CTNNA3: variants seen among roughly 807,000 people sequenced by gnomAD.
The protein encoded by CTNNA3 is catenin alpha-3.
Under a neutral mutation model 95.7 loss-of-function variants are expected in CTNNA3, and 76 were observed. The observed-to-expected ratio is 0.79, with a 90% CI of 0.66 to 0.96. CTNNA3 has a LOEUF of 0.96. Among genes scored for constraint, CTNNA3 ranks in the 40% least tolerant of loss-of-function variants. The pLI is 0.00. For synonymous variants in CTNNA3, 431 were observed against 374.4 expected, an observed-to-expected ratio of 1.15 and a Z score of -1.74; for missense variants, 1,191 against 1,089.8, an observed-to-expected ratio of 1.09 and a Z score of -1.31.
intron 5 of CTNNA3, among the ~76,000 whole-genome samples, chr10:67,234,769 G>T (rs1028097716): frequency 2.0e-5 from 3 of 152,048 alleles, no homozygotes; most frequent in African/African-American, 7.3e-5. Context: ...AAACCCCATT[G>T]TCTCAGCCCA....
intron 9 of CTNNA3, among the ~76,000 whole-genome samples, chr10:66,715,078 G>C (rs1487607099): frequency 6.6e-6 from 1 of 152,012 alleles, no homozygotes; most frequent in Non-Finnish European, 1.5e-5. Flanking sequence ...ACCTGGAGGG[G>C]TTCCATTCAT....
intron 1 of CTNNA3, among the ~76,000 whole-genome samples, chr10:67,751,557 ATAGACCGCTAAC>A: frequency 6.6e-6 from 1 of 152,136 alleles, no homozygotes; most frequent in Admixed American, 6.5e-5. Context: ...TAAAAAAAAA[ATAGACCGCTAAC>A]TAGACTAATG....
chr10:66,167,715 G>T lies in CTNNA3; in HGVS notation c.1885-64466C>A, dbSNP rs149820044. Among the ~76,000 whole-genome samples, 34 of 152,246 alleles carry T rather than the reference G, an allele frequency of 2.2e-4. No homozygotes were observed. In the East Asian group the frequency reaches 6.6e-3, roughly 29 times the overall value. ...TAAAATCAGGAGGAAGCTGGAAAAG[G>T]CTAAGAGAACAGTCAGATCATGATG... is the stretch of plus-strand genomic sequence containing the variant. On this transcript the variant is annotated intron_variant, in intron 13 of 17. Transcript: ENST00000433211.
At chr10:67,431,465 C>T (rs4323777) in intron 5 of CTNNA3, among the ~76,000 whole-genome samples, 1 of 151,754 alleles carries the variant, frequency 6.6e-6, no homozygotes, top group Non-Finnish European at 1.5e-5. Context: ...CCTATGTTAT[C>T]CTAATTTTAC....
chr10:67,348,521 C>T (rs911063256), intron 5 of CTNNA3, among the ~76,000 whole-genome samples: 6 of 152,064 alleles, frequency 3.9e-5, no homozygotes, highest in Non-Finnish European at 7.4e-5. Context: ...GCATCTGCTC[C>T]CAGTGAGGGC....
rs560347732 is a variant in CTNNA3, at chr10:65,916,721, G to A, written c.*3609C>T. On this transcript the variant is annotated 3_prime_UTR_variant, in exon 18 of 18. Transcript: ENST00000433211. ...AGAGAGATATTTTTGGTTCACAGAAGAGGAAAGGGCATTAATTGGAGTAAT... is the reference window on the plus strand; with the variant it reads ...AGAGAGATATTTTTGGTTCACAGAAAAGGAAAGGGCATTAATTGGAGTAAT... 1 of 152,282 alleles carries A rather than the reference G, an allele frequency of 6.6e-6. No individual in the cohort carries two copies. Among genetic ancestry groups the A allele is most frequent in the South Asian group, 2.1e-4 (1 of 4,834 alleles). 9.4% of individuals were successfully genotyped at this position (152,282 alleles called of 1,614,324 possible).
intron 5 of CTNNA3, among the ~76,000 whole-genome samples, chr10:67,401,587 G>C (rs1844924800): frequency 6.6e-6 from 1 of 152,108 alleles, no homozygotes; most frequent in Non-Finnish European, 1.5e-5. Context: ...CTCTCCCTAA[G>C]GGAGCCCCGT....
intron 10 of CTNNA3, among the ~76,000 whole-genome samples, chr10:66,524,286 G>T (rs897427623): frequency 1.1e-5 from 1 of 87,678 alleles, no homozygotes; most frequent in Admixed American, 1.3e-4. Flanking sequence ...TCCATTATAG[G>T]AGGGACTATG....
chr10:66,388,869 G>T (rs1262183006), intron 11 of CTNNA3, among the ~76,000 whole-genome samples: 1 of 151,996 alleles, frequency 6.6e-6, no homozygotes, highest in Non-Finnish European at 1.5e-5. Context: ...AGAATGCTAG[G>T]AACAACTATT....
chr10:67,411,192 G>T (rs1399131104), intron 5 of CTNNA3, among the ~76,000 whole-genome samples: 1 of 152,248 alleles, frequency 6.6e-6, no homozygotes, highest in Admixed American at 6.5e-5. Context: ...AAAGACAGCA[G>T]ATTTTAAGTG....
At chr10:67,180,584 TG>T in intron 6 of CTNNA3, 64 bp from the exon 7 acceptor site, 1 of 1,351,804 alleles carries the variant, frequency 7.4e-7, no homozygotes, top group Non-Finnish European at 1.1e-6. Context: ...GAAAAACAAA[TG>T]TTATTTTGTT....
chr10:66,085,066 T>G (rs1041328988), intron 14 of CTNNA3: 49 of 152,246 alleles, frequency 3.2e-4, no homozygotes, highest in African/African-American at 1.1e-3. Flanking sequence ...ATGTGAAGAA[T>G]TAAGATAGAA....
intron 15 of CTNNA3, among the ~76,000 whole-genome samples, chr10:66,050,592 C>T (rs1018515461): frequency 4.6e-5 from 7 of 152,060 alleles, no homozygotes; most frequent in African/African-American, 1.2e-4. Context: ...CCACTATGTC[C>T]GGCTCCTTAG....
chr10:67,469,828 G>A (rs930412769), intron 5 of CTNNA3, among the ~76,000 whole-genome samples: 7 of 152,088 alleles, frequency 4.6e-5, no homozygotes, highest in African/African-American at 1.7e-4. Flanking sequence ...CATAGTAGGT[G>A]TATATATTTA....
At chr10:66,409,516 T>C (rs954677506) in intron 11 of CTNNA3, among the ~76,000 whole-genome samples, 2 of 152,050 alleles carry the variant, frequency 1.3e-5, no homozygotes, top group African/African-American at 4.8e-5. Flanking sequence ...AAAATAAATA[T>C]AGCCAAACAT....
chr10:66,331,895 C>T (rs1445909660), intron 12 of CTNNA3, among the ~76,000 whole-genome samples: 3 of 151,776 alleles, frequency 2.0e-5, no homozygotes, highest in Admixed American at 6.6e-5. Flanking sequence ...CCTTGGGCAG[C>T]ATGGCCATTT....
chr10:67,214,456 ACAAT>A (rs1388488210), intron 6 of CTNNA3, among the ~76,000 whole-genome samples: 2 of 151,900 alleles, frequency 1.3e-5, no homozygotes, highest in East Asian at 3.8e-4. Context: ...GTTTCCAGAC[ACAAT>A]CATTCTACAA....
intron 13 of CTNNA3, among the ~76,000 whole-genome samples, chr10:66,205,872 A>G (rs2087723759): frequency 6.6e-6 from 1 of 151,994 alleles, no homozygotes; most frequent in African/African-American, 2.4e-5. Context: ...AAAAAACAAT[A>G]TAAAATTGGT....
chr10:67,575,039 A>G (rs890356609), intron 3 of CTNNA3, among the ~76,000 whole-genome samples: 7 of 152,154 alleles, frequency 4.6e-5, no homozygotes, highest in Non-Finnish European at 8.8e-5. Flanking sequence ...TACTGAAATC[A>G]TATCTTCTTC....
Sources: gnomAD v4.1 joint callset for allele counts (sites outside exome capture counted in the v4.1 genomes callset) on GRCh38, gnomAD v4.1.1 for gene constraint, MANE v1.5 for transcripts, NCBI Gene and HGNC (gene_info 2026-07-23, HGNC 2026-07-21) for gene names.